ELK4: variants seen among roughly 807,000 people sequenced by gnomAD.
The protein encoded by ELK4 is ETS transcription factor ELK4.
ELK4 carries 16 observed loss-of-function variants against 29.6 expected under a neutral mutation model. The ratio of observed to expected loss-of-function variants is 0.54; its 90% CI spans 0.37 to 0.82. The LOEUF (loss-of-function observed/expected upper bound fraction) is 0.82. Among genes scored for constraint, ELK4 ranks in the 40% least tolerant of loss-of-function variants. The pLI is 0.00. For synonymous variants in ELK4, 213 were observed against 191.1 expected (o/e 1.11, Z -0.95); for missense variants, 465 against 507.1 (o/e 0.92, Z 0.80).
At chr1:205,621,066 G>C (rs1670335833) in intron 2 of ELK4, among the ~76,000 whole-genome samples, 1 of 151,772 alleles carries the variant, frequency 6.6e-6, no homozygotes, top group African/African-American at 2.4e-5. Flanking sequence ...ATGGTGGCGT[G>C]CGCCTGTAGT....
Position 205,621,887 on chromosome 1 carries a change from CCA to C in ELK4, c.208-1051_208-1050del, listed in dbSNP as rs1001536362. 1.4e-4 allele frequency among the ~76,000 whole-genome samples: 22 copies of C among 151,924 alleles called. 1 individual carries two copies. The highest frequency in any genetic ancestry group is 4.6e-4 in the African/African-American group (19 of 41,458). On this transcript the variant is annotated intron_variant, in intron 2 of 4. Transcript: ENST00000357992. The stretch of plus-strand genomic sequence containing the variant: ...TTCCTTCAGAAATTCCAGTTTATCT[CCA>C]GACAGGAAAGCTGGTAAGATCAACC...
chr1:205,617,528 T>C (rs995160323), intron 4 of ELK4, among the ~76,000 whole-genome samples: 2 of 152,082 alleles, frequency 1.3e-5, no homozygotes, highest in Non-Finnish European at 2.9e-5. Flanking sequence ...TATAAAATGT[T>C]GATAAATTAT....
rs373513327 is a variant in ELK4, at chr1:205,616,518, C to T, written c.*28G>A. 1.9e-6 allele frequency: 3 copies of T among 1,588,004 alleles called. No individual in the cohort carries two copies. The highest frequency in any genetic ancestry group is 2.2e-5 in the South Asian group (2 of 90,450). The stretch of plus-strand genomic sequence containing the variant: ...GTTGAATGTCTGTTTCTTCGTTCCT[C>T]GGTTCTCTCATTCCACAAGTGCATA... On this transcript the variant is annotated 3_prime_UTR_variant, in exon 5 of 5. Transcript: ENST00000357992.
chr1:205,620,914 C>G, intron 2 of ELK4, 76 bp from the exon 3 acceptor site: 1 of 1,445,626 alleles, frequency 6.9e-7, no homozygotes, highest in East Asian at 2.4e-5. Flanking sequence ...AAGCTGGCAT[C>G]GGCCAGGCAC....
rs1352772030 is a variant in ELK4 at position 205,612,112 on chromosome 1, G to A, written c.*4434C>T. On this transcript the variant is annotated 3_prime_UTR_variant, in exon 5 of 5. Coordinates refer to ENST00000357992, the MANE Select transcript of ELK4 (RefSeq NM_001973.4). ...GATAAGAGACAACAGGCTGACGAAA[G>A]TAATAGGAATAAAGCTGTGGAAAAC... is the stretch of plus-strand genomic sequence containing the variant. 1 of 196,756 alleles carries A rather than the reference G, an allele frequency of 5.1e-6. No homozygotes were observed. 12.2% of individuals were successfully genotyped at this position (196,756 alleles called of 1,614,324 possible).
Position 205,610,773 on chromosome 1 carries a change from GC to G in ELK4, c.*5772del, listed in dbSNP as rs1670138867. On this transcript the variant is annotated 3_prime_UTR_variant, in exon 5 of 5. Coordinates refer to ENST00000357992, the MANE Select transcript of ELK4 (RefSeq NM_001973.4). ...GTTCCCTATGAAAACAGATTTACAC[GC>G]GCACACACACACACACACACATTCA... is the stretch of plus-strand genomic sequence containing the variant. 1 of 229,408 alleles carries G rather than the reference GC, an allele frequency of 4.4e-6. No individual in the cohort carries two copies. The highest frequency in any genetic ancestry group is 1.8e-4 in the South Asian group (1 of 5,472). The allele number at this position is 229,408 out of a possible 1,614,324, so 14.2% of individuals were successfully genotyped here.
At chr1:205,616,687 C>T (rs542271566) in intron 4 of ELK4, 43 bp from the exon 5 acceptor site, 2 of 1,560,770 alleles carry the variant, frequency 1.3e-6, no homozygotes, top group Admixed American at 1.7e-5. Flanking sequence ...ATTACTCAAC[C>T]CCAACTTTTA....
chr1:205,623,556 C>A, intron 2 of ELK4, 120 bp downstream of exon 2: 1 of 1,081,392 alleles, frequency 9.2e-7, no homozygotes, highest in Non-Finnish European at 1.4e-6. Flanking sequence ...CTCAGGTGAT[C>A]CACCCTCCTT....
rs2102373288 is a variant in ELK4, at chr1:205,612,083, T to C, written c.*4463A>G. 1 of 193,594 alleles carries C rather than the reference T, an allele frequency of 5.2e-6. No homozygotes were observed. Among genetic ancestry groups the C allele is most frequent in the South Asian group, 1.9e-4 (1 of 5,186 alleles). The allele number at this position is 193,594 out of a possible 1,614,324, so 12.0% of individuals were successfully genotyped here. A position where few individuals can be genotyped will look rare whatever the true frequency, so the allele number is the denominator to read the frequency against. On this transcript the variant is annotated 3_prime_UTR_variant, in exon 5 of 5. Transcript: ENST00000357992. Reference sequence around the variant, plus strand: ...AATAAAAATAGAGTCATACCTAACATGAAGATAAGAGACAACAGGCTGACG... The same window carrying C: ...AATAAAAATAGAGTCATACCTAACACGAAGATAAGAGACAACAGGCTGACG...
rs1312545440 is a variant in ELK4 at position 205,623,858 on chromosome 1, G to T, written c.25C>A (p.Gln9Lys). 6.2e-7 allele frequency: 1 copy of T among 1,614,190 alleles called. No individual in the cohort carries two copies. The highest frequency in any genetic ancestry group is 1.1e-5 in the South Asian group (1 of 91,084). The stretch of plus-strand genomic sequence containing the variant: ...TTCTGCAGGAGCTGAAGAAGGAACT[G>T]CCACAGGGTGATAGCACTGTCCATA... Reference protein sequence around the residue: MDSAITLWQFLLQLLQKPQ... With the variant: MDSAITLWKFLLQLLQKPQ... Residue 9 changes from glutamine to lysine, a missense_variant, in exon 2 of 5, where the codon CAG becomes AAG. Physicochemically the swap from Gln to Lys is moderately conservative, Grantham distance 53. Around this residue, in one of 2 missense-constraint regions of ELK4, gnomAD observed 385 missense variants for 387.5 expected, o/e 0.99. Transcript: ENST00000357992.
intron 3 of ELK4, chr1:205,619,336 G>A: frequency 9.3e-7 from 1 of 1,069,972 alleles, no homozygotes; most frequent in Non-Finnish European, 1.1e-6. Flanking sequence ...ACATGGATGA[G>A]TTCTTTGGTG....
intron 1 of ELK4, among the ~76,000 whole-genome samples, chr1:205,630,013 C>G (rs1419667105): frequency 2.0e-5 from 3 of 151,462 alleles, no homozygotes; most frequent in African/African-American, 7.3e-5. Context: ...CCAGCCTGGG[C>G]AACAGAGTGA....
At position 205,618,996 on chromosome 1, in the gene ELK4, T is replaced by G. The variant is rs773040847; in HGVS notation, c.1158A>C (p.Leu386=). 6.2e-7 allele frequency: 1 copy of G among 1,612,042 alleles called. No individual in the cohort carries two copies. Among genetic ancestry groups the G allele is most frequent in the Non-Finnish European group, 8.5e-7 (1 of 1,179,304 alleles). ...TAGCACCTTGCAGTCTGGCTGGACT[T>G]AGGGGAGCAACAGGACTGAGAGTAC... ...FWSTLSPVAP[L]SPARLQGANT... Residue 386 remains leucine (L), a synonymous_variant, in exon 4 of 5, where the codon CTA becomes CTC. Coordinates refer to ENST00000357992, the MANE Select transcript of ELK4 (RefSeq NM_001973.4).
At chr1:205,617,478 C>G (rs578253399) in intron 4 of ELK4, among the ~76,000 whole-genome samples, 22 of 151,816 alleles carry the variant, frequency 1.4e-4, no homozygotes, top group African/African-American at 5.3e-4. Flanking sequence ...TTCCTAACGT[C>G]TTGGTGAAGA....
At chr1:205,622,843 TA>T (rs1283509808) in intron 2 of ELK4, among the ~76,000 whole-genome samples, 1 of 152,114 alleles carries the variant, frequency 6.6e-6, no homozygotes, top group Non-Finnish European at 1.5e-5. Flanking sequence ...AGTTAATAAA[TA>T]AAATCTGGGG....
chr1:205,616,442 T>A lies in ELK4; in HGVS notation c.*104A>T. The stretch of plus-strand genomic sequence containing the variant: ...TGGGGAATGGCAAAAATCACAATAG[T>A]CTATTATCAGCATTGTAGAACTATC... On this transcript the variant is annotated 3_prime_UTR_variant, in exon 5 of 5. Transcript: ENST00000357992. 1 of 1,029,314 alleles carries A rather than the reference T, an allele frequency of 9.7e-7. No homozygotes were observed. The highest frequency in any genetic ancestry group is 1.5e-6 in the Non-Finnish European group (1 of 686,378). 63.8% of individuals were successfully genotyped at this position (1,029,314 alleles called of 1,614,324 possible).
At chr1:205,625,285 G>T (rs372656459) in intron 1 of ELK4, among the ~76,000 whole-genome samples, 1 of 84,986 alleles carries the variant, frequency 1.2e-5, no homozygotes, top group Middle Eastern at 4.9e-3. Context: ...ATTAAAAAAC[G>T]CCTACGACTA....
rs1370444420 is a variant in ELK4 at position 205,613,136 on chromosome 1, A to T, written c.*3410T>A. ...CGAACACATAAAGTATGCCATGAGCAATATAACATCACAAACGTACTGTGA... is the reference window on the plus strand; with the variant it reads ...CGAACACATAAAGTATGCCATGAGCTATATAACATCACAAACGTACTGTGA... On this transcript the variant is annotated 3_prime_UTR_variant, in exon 5 of 5. Transcript: ENST00000357992. 1 of 197,350 alleles carries T rather than the reference A, an allele frequency of 5.1e-6. No individual in the cohort carries two copies. Among genetic ancestry groups the T allele is most frequent in the African/African-American group, 2.3e-5 (1 of 43,270 alleles). The allele number at this position is 197,350 out of a possible 1,614,324, so 12.2% of individuals were successfully genotyped here. A position where few individuals can be genotyped will look rare whatever the true frequency, so the allele number is the denominator to read the frequency against.
At chr1:205,619,717 A>T in intron 3 of ELK4, 1 of 1,442,794 alleles carries the variant, frequency 6.9e-7, no homozygotes, top group Non-Finnish European at 9.1e-7. Context: ...CTTTAGGAGG[A>T]AATAGAAAAA....
Sources: gnomAD v4.1 joint callset for allele counts (sites outside exome capture counted in the v4.1 genomes callset) on GRCh38, gnomAD v4.1.1 for gene constraint, gnomAD v4.1.1 regional missense constraint, MANE v1.5 for transcripts, NCBI Gene and HGNC (gene_info 2026-07-23, HGNC 2026-07-21) for gene names.